KLC3: variants seen among roughly 807,000 people sequenced by gnomAD.
The protein encoded by KLC3 is kinesin light chain 2.
In KLC3, 72 loss-of-function variants were observed where a neutral mutation model predicts 62.9. The observed-to-expected ratio is 1.15, with a 90% CI of 0.95 to 1.39. The LOEUF is 1.39. Ranked by LOEUF, KLC3 falls within the 40% of genes most tolerant of loss-of-function variation. KLC3 has a pLI of 0.00. For synonymous variants in KLC3, 377 were observed against 300.5 expected (o/e 1.25, Z -2.63); for missense variants, 848 against 691.6 (o/e 1.23, Z -2.54).
At position 45,348,638 on chromosome 19, in the gene KLC3, C is replaced by T; in HGVS notation, c.780-8C>T. On this transcript the variant is annotated splice_polypyrimidine_tract_variant and splice_region_variant and intron_variant, in intron 5 of 12. Transcript: ENST00000391946. ...TAACCCCCTCCATTCCTGGGGCGCCCCCCACAGGGACCAGAACAAGTACAA... is the reference window on the plus strand; with the variant it reads ...TAACCCCCTCCATTCCTGGGGCGCCTCCCACAGGGACCAGAACAAGTACAA... 2 of 1,567,704 alleles carry T rather than the reference C, an allele frequency of 1.3e-6. No individual in the cohort carries two copies. The highest frequency in any genetic ancestry group is 1.2e-5 in the South Asian group (1 of 85,214).
At chr19:45,348,999 G>T in intron 7 of KLC3, 78 bp downstream of exon 7, 1 of 1,293,448 alleles carries the variant, frequency 7.7e-7, no homozygotes, top group Non-Finnish European at 1.1e-6. Flanking sequence ...CACGTACATC[G>T]TGACCCTGAC....
In KLC3 at chr19:45,346,595, C is replaced by T. The variant is rs1170042912; in HGVS notation, c.310C>T (p.Arg104Trp). The part of the protein sequence containing the change: ...HVGALEAEKQ[R>W]LRSQARRLAQ... ...GGGTGCACTGGAGGCAGAGAAGCAG[C>T]GGCTGCGCTCGCAGGCCCGGCGGCT... Residue 104 changes from arginine to tryptophan, a missense_variant, in exon 3 of 13, where the codon CGG becomes TGG. Physicochemically the swap from Arg to Trp is moderately radical, Grantham distance 101. Coordinates refer to ENST00000391946, the MANE Select transcript of KLC3 (RefSeq NM_177417.3). 28 of 1,549,112 alleles carry T rather than the reference C, an allele frequency of 1.8e-5. No individual in the cohort carries two copies. The highest frequency in any genetic ancestry group is 2.4e-5 in the East Asian group (1 of 40,926).
chr19:45,350,067 C>T (rs764735409), intron 8 of KLC3: 75 of 493,704 alleles, frequency 1.5e-4, no homozygotes, highest in Non-Finnish European at 2.5e-4. Flanking sequence ...GGCCGAGCTC[C>T]AAACCCACTC....
chr19:45,346,962 G>C (rs966308134), intron 3 of KLC3, 188 bp downstream of exon 3: 2 of 531,926 alleles, frequency 3.8e-6, no homozygotes, highest in African/African-American at 2.0e-5. Flanking sequence ...AACTTCCACA[G>C]ACGCCCCCAC....
Position 45,349,698 on chromosome 19 carries a change from G to GGGTGGC in KLC3, c.1143+98_1143+99insTGGCGG, listed in dbSNP as rs930910072. On this transcript the variant is annotated intron_variant, in intron 8 of 12. Transcript: ENST00000391946. ...ATACAGGGTGAGCAACGTGAGGGTGGGGGGGGGCCCCCCAGGCCGGGCCCT... is the reference window on the plus strand; with the variant it reads ...ATACAGGGTGAGCAACGTGAGGGTGGGGTGGCGGGGGGGCCCCCCAGGCCGGGCCCT... The GGGTGGC allele has an allele frequency of 2.9e-4, 250 of 872,526 alleles. 27 individuals carry two copies. The highest frequency in any genetic ancestry group is 3.9e-4 in the Non-Finnish European group (234 of 605,686). The allele number at this position is 872,526 out of a possible 1,614,324, so 54.0% of individuals were successfully genotyped here.
At chr19:45,345,153 T>C (rs1971462721) in intron 1 of KLC3, 1 of 391,114 alleles carries the variant, frequency 2.6e-6, no homozygotes, top group Middle Eastern at 6.7e-4. Flanking sequence ...CCGGGAGCTC[T>C]GGGCCAGGGG....
intron 3 of KLC3, chr19:45,347,033 A>G: frequency 2.1e-6 from 1 of 485,194 alleles, no homozygotes; most frequent in Admixed American, 3.7e-5. Flanking sequence ...GACGCTCGTG[A>G]CCACCACCTC....
In KLC3 at chr19:45,347,497, C is replaced by T. The variant is rs373228076; in HGVS notation, c.540C>T (p.Ser180=). 191 of 1,612,156 alleles carry T rather than the reference C, an allele frequency of 1.2e-4. No homozygotes were observed. Among genetic ancestry groups the T allele is most frequent in the Non-Finnish European group, 1.4e-4 (163 of 1,179,164 alleles). Residue 180 remains serine, a synonymous_variant, in exon 4 of 13, where the codon AGC becomes AGT. Transcript: ENST00000391946. ...ACAGCCTGGCCTCCCTGTTCCCCAG[C>T]GAGGAGGAGGAGAGGAAAGGTGGGT... ...RRDSLASLFP[S]EEEERKGPEA...
intron 7 of KLC3, 130 bp from the exon 8 acceptor site, chr19:45,349,299 G>C (rs1369791609): frequency 2.2e-6 from 2 of 924,494 alleles, no homozygotes; most frequent in African/African-American, 3.3e-5. Context: ...TGTGTCCCCA[G>C]CCCCCAACCT....
At position 45,345,818 on chromosome 19, in the gene KLC3, G is replaced by A; in HGVS notation, c.258+19G>A. The A allele has an allele frequency of 6.5e-7, 1 of 1,537,588 alleles. No homozygotes were observed. The highest frequency in any genetic ancestry group is 1.2e-5 in the South Asian group (1 of 82,014). ...GGCCCAGGTATGAGGGGGCCAGGTG[G>A]GGAGCTGGGGGAAGGTCAGCTGAGG... On this transcript the variant is annotated intron_variant, in intron 2 of 12. Transcript: ENST00000391946.
Position 45,350,405 on chromosome 19 carries a change from A to G in KLC3, c.1208A>G (p.His403Arg). 3.1e-6 allele frequency: 5 copies of G among 1,613,154 alleles called. No homozygotes were observed. Among genetic ancestry groups the G allele is most frequent in the Non-Finnish European group, 4.2e-6 (5 of 1,179,708 alleles). Residue 403 changes from histidine (H) to arginine (R), a missense_variant, in exon 9 of 13, where the codon CAC becomes CGC. Transcript: ENST00000391946. The stretch of plus-strand genomic sequence containing the variant: ...GAAGAGCTGTACAAAGAAATCCTCC[A>G]CAAGGAGGACCTACCCGCCCCTCTC... Reference protein sequence around the residue: ...QAEELYKEILHKEDLPAPLGA... With the variant: ...QAEELYKEILRKEDLPAPLGA...
Position 45,348,098 on chromosome 19 carries a change from C to T in KLC3, c.717C>T (p.Arg239=). The T allele has an allele frequency of 6.2e-7, 1 of 1,602,170 alleles. No homozygotes were observed. The change falls in exon 5 of 13, where the codon CGC becomes CGT. Residue 239 remains arginine, a synonymous_variant. Coordinates refer to ENST00000391946, the MANE Select transcript of KLC3 (RefSeq NM_177417.3). ...GCCAGGCCTTGGAGGACCTGGAGCG[C>T]AGCTCGGGCCACTGCCACCCTGACG... The part of the protein sequence containing the change: ...LCRQALEDLE[R]SSGHCHPDVA...
intron 3 of KLC3, 178 bp from the exon 4 acceptor site, chr19:45,347,269 G>T: frequency 1.8e-6 from 1 of 562,888 alleles, no homozygotes; most frequent in Non-Finnish European, 3.2e-6. Flanking sequence ...TTGAACCCAG[G>T]AGGTGGAGGT....
chr19:45,345,870 G>T (rs576897748), intron 2 of KLC3, 71 bp downstream of exon 2: 7 of 1,445,406 alleles, frequency 4.8e-6, no homozygotes, highest in Non-Finnish European at 4.6e-6. Flanking sequence ...GCATGAGGGG[G>T]ACAGGTATGT....
In KLC3 at chr19:45,349,592, A is replaced by G. The variant is rs753592048; in HGVS notation, c.1133A>G (p.Lys378Arg). The change falls in exon 8 of 13, where the codon AAG becomes AGG. Residue 378 changes from lysine (K) to arginine (R), a missense_variant. Transcript: ENST00000391946. ...GPHDPNVAKT[K>R]NNLASAYLKQ... The stretch of plus-strand genomic sequence containing the variant: ...CATGACCCCAACGTGGCCAAGACCA[A>G]GAACAACCTGGTGAGGCCCCTGGGG... 1.2e-6 allele frequency: 2 copies of G among 1,610,390 alleles called. No homozygotes were observed. The highest frequency in any genetic ancestry group is 1.7e-6 in the Non-Finnish European group (2 of 1,177,550).
intron 3 of KLC3, 66 bp from the exon 4 acceptor site, chr19:45,347,381 A>T: frequency 8.5e-7 from 1 of 1,182,958 alleles, no homozygotes; most frequent in Non-Finnish European, 1.2e-6. Context: ...CCTGAGATAG[A>T]GCCAGGGCCC....
Position 45,348,004 on chromosome 19 carries a change from G to C in KLC3, c.623G>C (p.Arg208Pro), listed in dbSNP as rs750506615. Residue 208 changes from arginine to proline, a missense_variant, in exon 5 of 13, where the codon CGG becomes CCG. Coordinates refer to ENST00000391946, the MANE Select transcript of KLC3 (RefSeq NM_177417.3). Reference protein sequence around the residue: ...QGGYEIPARLRTLHNLVIQYA... With the variant: ...QGGYEIPARLPTLHNLVIQYA... The stretch of plus-strand genomic sequence containing the variant: ...GGCTATGAGATCCCTGCCCGCCTTC[G>C]GACCCTGCATAACCTCGTGATCCAG... The C allele has an allele frequency of 6.2e-7, 1 of 1,608,994 alleles. No individual in the cohort carries two copies. Among genetic ancestry groups the C allele is most frequent in the Admixed American group, 1.7e-5 (1 of 59,314 alleles).
intron 12 of KLC3, 51 bp downstream of exon 12, chr19:45,351,068 A>G (rs1452846715): frequency 1.9e-6 from 3 of 1,613,664 alleles, no homozygotes; most frequent in Non-Finnish European, 8.5e-7. Context: ...GGGTAGGTGC[A>G]GAGATGAGGC....
chr19:45,344,175 G>GTGTGTA (rs1328869000), intron 1 of KLC3, among the ~76,000 whole-genome samples: 3 of 149,024 alleles, frequency 2.0e-5, no homozygotes, highest in Admixed American at 2.0e-4. Flanking sequence ...GTGTGTGTGT[G>GTGTGTA]TGTAACTGTA....
Sources: gnomAD v4.1 joint callset for allele counts (sites outside exome capture counted in the v4.1 genomes callset) on GRCh38, gnomAD v4.1.1 for gene constraint, MANE v1.5 for transcripts, NCBI Gene and HGNC (gene_info 2026-07-23, HGNC 2026-07-21) for gene names.